ANAPC4: variants seen among roughly 807,000 people sequenced by gnomAD.
ANAPC4 encodes the protein anaphase-promoting complex subunit 4.
In ANAPC4, 63 loss-of-function variants were observed where a neutral mutation model predicts 119.8. That is an observed-to-expected ratio of 0.53 (90% CI 0.43 to 0.65). The LOEUF (loss-of-function observed/expected upper bound fraction) is 0.65, where lower values mean the gene tolerates loss of function less well. Among genes scored for constraint, ANAPC4 ranks in the 30% least tolerant of loss-of-function variants. The probability of loss-of-function intolerance (pLI) is 0.00; values close to 1 mark genes in which losing one functional copy is unlikely to be tolerated. For missense variants in ANAPC4, 716 were observed against 945.1 expected (o/e 0.76, Z 3.18); for synonymous variants, 283 against 318.6 (o/e 0.89, Z 1.19).
At chr4:25,408,247 G>T (rs921940717) in intron 20 of ANAPC4, among the ~76,000 whole-genome samples, 4 of 152,300 alleles carry the variant, frequency 2.6e-5, no homozygotes, top group African/African-American at 9.6e-5. Context: ...TATCTTAAAG[G>T]TTTGTTTCAG....
In ANAPC4 at chr4:25,377,295, G is replaced by T. The variant is rs1254400019; in HGVS notation, c.-60G>T. The T allele has an allele frequency of 4.8e-5, 61 of 1,268,658 alleles. No individual in the cohort carries two copies. Among genetic ancestry groups the T allele is most frequent in the Non-Finnish European group, 6.1e-5 (58 of 943,532 alleles). The allele number at this position is 1,268,658 out of a possible 1,614,324, so 78.6% of individuals were successfully genotyped here. A position where few individuals can be genotyped will look rare whatever the true frequency, so the allele number is the denominator to read the frequency against. On this transcript the variant is annotated 5_prime_UTR_variant, in exon 1 of 29. In the 5' UTR this introduces an upstream ATG that the reference lacks. Coordinates refer to ENST00000315368, the MANE Select transcript of ANAPC4 (RefSeq NM_013367.3). ...CTGTGGCGCGCGGCCGGCAGAGGGA[G>T]GGGAGAGGCCACTGGGGCCGTGTTA...
At chr4:25,416,829 G>A (rs932874590) in intron 27 of ANAPC4, 4 of 316,260 alleles carry the variant, frequency 1.3e-5, no homozygotes, top group African/African-American at 8.5e-5. Flanking sequence ...TGGAATCAAG[G>A]TGGGGAATTA....
At chr4:25,404,539 C>T (rs364071) in intron 17 of ANAPC4, among the ~76,000 whole-genome samples, 5 of 151,924 alleles carry the variant, frequency 3.3e-5, no homozygotes, top group Non-Finnish European at 7.4e-5. Flanking sequence ...TACTACATAT[C>T]CTAACTGTAG....
At chr4:25,410,931 C>G (rs1723523928) in intron 21 of ANAPC4, among the ~76,000 whole-genome samples, 1 of 152,130 alleles carries the variant, frequency 6.6e-6, no homozygotes, top group South Asian at 2.1e-4. Context: ...CTTACAGACC[C>G]AAGCATTTTG....
At chr4:25,388,682 G>C (rs1264736012) in intron 5 of ANAPC4, 35 bp from the exon 6 acceptor site, 3 of 1,582,236 alleles carry the variant, frequency 1.9e-6, no homozygotes, top group African/African-American at 2.7e-5. Context: ...TTTTTACTAA[G>C]AGTATTTTTT....
chr4:25,400,770 A>G (rs575307127), intron 16 of ANAPC4, among the ~76,000 whole-genome samples: 1 of 152,296 alleles, frequency 6.6e-6, no homozygotes, highest in African/African-American at 2.4e-5. Flanking sequence ...AAGTGAGGAC[A>G]TGTAGGGGCT....
In ANAPC4 at chr4:25,417,627, A is replaced by G. The variant is rs1027953561; in HGVS notation, c.2087A>G (p.Gln696Arg). 1.3e-6 allele frequency: 2 copies of G among 1,595,580 alleles called. No homozygotes were observed. The highest frequency in any genetic ancestry group is 2.7e-5 in the African/African-American group (2 of 73,942). Residue 696 changes from glutamine to arginine, a missense_variant, in exon 28 of 29, where the codon CAG becomes CGG. Around this residue, in one of 3 missense-constraint regions of ANAPC4, gnomAD observed 504 missense variants for 615.8 expected, o/e 0.82. Transcript: ENST00000315368. ...TTTTCCCTCTTTAGGCTAGATGAAC[A>G]GTGTAGTGCTATTCCCACCCGTACC... ...TGTYSTRLDE[Q>R]CSAIPTRTMH...
intron 3 of ANAPC4, 52 bp downstream of exon 3, chr4:25,380,531 C>A: frequency 7.7e-7 from 1 of 1,299,770 alleles, no homozygotes; most frequent in Non-Finnish European, 1.1e-6. Flanking sequence ...AAAGAGTATT[C>A]TGTAAAGCCC....
In ANAPC4 at chr4:25,396,722, C is replaced by G. The variant is rs1243396920; in HGVS notation, c.1120C>G (p.Gln374Glu). The change falls in exon 15 of 29, where the codon CAA (glutamine) becomes GAA (glutamate). Residue 374 changes from glutamine (Q) to glutamate (E), a missense_variant. By Grantham distance (29) the Gln-to-Glu change is conservative. This residue lies in a region of ANAPC4 where 504 missense variants were observed against 615.8 expected (regional missense o/e 0.82). Transcript: ENST00000315368. ...ATTGAAAGGAATGGCTTCATGGAAG[C>G]AAAAATATGAACCTCTTGGACTAGA... is the stretch of plus-strand genomic sequence containing the variant. ...SELKGMASWKQKYEPLGLDAA... is the reference protein window; with the variant it reads ...SELKGMASWKEKYEPLGLDAA... 6.2e-7 allele frequency: 1 copy of G among 1,613,366 alleles called. No individual in the cohort carries two copies. The highest frequency in any genetic ancestry group is 2.2e-5 in the East Asian group (1 of 44,832).
chr4:25,414,371 T>C lies in ANAPC4; in HGVS notation c.1671T>C (p.Tyr557=), dbSNP rs2109146189. ...ATCAAGCAATCTGTATTCCATTGTA[T>C]AGAGATACCAGAAGGTAATTCTGTT... ...SMNQAICIPL[Y]RDTRSEDSTR... is the part of the protein sequence containing the mutation. The change falls in exon 23 of 29, where the codon TAT becomes TAC. Residue 557 remains tyrosine (Y), a synonymous_variant. Coordinates refer to ENST00000315368, the MANE Select transcript of ANAPC4 (RefSeq NM_013367.3). 1 of 1,604,658 alleles carries C rather than the reference T, an allele frequency of 6.2e-7. No homozygotes were observed. The highest frequency in any genetic ancestry group is 8.5e-7 in the Non-Finnish European group (1 of 1,173,530).
chr4:25,389,767 T>C lies in ANAPC4; in HGVS notation c.516-369T>C, dbSNP rs1027542880. On this transcript the variant is annotated intron_variant, in intron 7 of 28. Transcript: ENST00000315368. The stretch of plus-strand genomic sequence containing the variant: ...TTTCTAAAATTTTAAGTATTCATGT[T>C]TTTTAAGCCCATTTAATATATTTAG... Among the ~76,000 whole-genome samples, 3 of 152,234 alleles carry C rather than the reference T, an allele frequency of 2.0e-5. 1 individual carries two copies. The highest frequency in any genetic ancestry group is 1.5e-5 in the Non-Finnish European group (1 of 68,042).
chr4:25,413,817 ATCTTAAT>A, intron 22 of ANAPC4, 75 bp downstream of exon 22: 1 of 1,155,294 alleles, frequency 8.7e-7, no homozygotes. Flanking sequence ...TATGTAAATG[ATCTTAAT>A]TTTTAGAATG....
chr4:25,402,174 G>A (rs974521896), intron 16 of ANAPC4, among the ~76,000 whole-genome samples: 1 of 152,102 alleles, frequency 6.6e-6, no homozygotes, highest in Non-Finnish European at 1.5e-5. Flanking sequence ...AGATGTTTCA[G>A]TCTTTTATTC....
chr4:25,382,546 A>G (rs1721798164), intron 3 of ANAPC4, among the ~76,000 whole-genome samples: 1 of 152,220 alleles, frequency 6.6e-6, no homozygotes. Context: ...TGTATTATTC[A>G]TTTTTTAAAA....
At chr4:25,380,014 A>C (rs1001512263) in intron 2 of ANAPC4, among the ~76,000 whole-genome samples, 10 of 152,262 alleles carry the variant, frequency 6.6e-5, no homozygotes, top group Admixed American at 6.5e-4. Flanking sequence ...ACTAGGTGCC[A>C]CGTGGACTAA....
At position 25,406,892 on chromosome 4, in the gene ANAPC4, A is replaced by G; in HGVS notation, c.1374+7A>G. On this transcript the variant is annotated splice_region_variant and intron_variant, in intron 19 of 28. Transcript: ENST00000315368. ...TACTGAACATTTCAATGAGGTAAGA[A>G]GTTGATATTTCTGTAATGCAGTTTA... 2 of 1,589,112 alleles carry G rather than the reference A, an allele frequency of 1.3e-6. No homozygotes were observed. Among genetic ancestry groups the G allele is most frequent in the African/African-American group, 2.7e-5 (2 of 74,272 alleles).
In ANAPC4 at chr4:25,417,647, C is replaced by T. The variant is rs766411258; in HGVS notation, c.2107C>T (p.Arg703Cys). The change falls in exon 28 of 29, where the codon CGT becomes TGT. Residue 703 changes from arginine (R) to cysteine (C), a missense_variant. Arg to Cys is a radical substitution (Grantham distance 180, BLOSUM62 -3). Around this residue, in one of 3 missense-constraint regions of ANAPC4, gnomAD observed 504 missense variants for 615.8 expected, o/e 0.82. Transcript: ENST00000315368. ...TGAACAGTGTAGTGCTATTCCCACC[C>T]GTACCATGCATTTTGAGAAGCACTG... Reference protein sequence around the residue: ...LDEQCSAIPTRTMHFEKHWRL... With the variant: ...LDEQCSAIPTCTMHFEKHWRL... The T allele has an allele frequency of 3.5e-5, 56 of 1,613,190 alleles. No homozygotes were observed. Among genetic ancestry groups the T allele is most frequent in the East Asian group, 4.5e-5 (2 of 44,862 alleles).
chr4:25,407,432 TGAGGACTA>T lies in ANAPC4; in HGVS notation c.1431+180_1431+187del, dbSNP rs1723313835. ...ACACTTTTACATTCTTAAAAATTATTGAGGACTAAAAATACAAAAATTAGCTGGGTGTG... is the reference window on the plus strand; with the variant it reads ...ACACTTTTACATTCTTAAAAATTATTAAAATACAAAAATTAGCTGGGTGTG... On this transcript the variant is annotated intron_variant, in intron 20 of 28. Coordinates refer to ENST00000315368, the MANE Select transcript of ANAPC4 (RefSeq NM_013367.3). 3.3e-5 allele frequency among the ~76,000 whole-genome samples: 5 copies of T among 152,204 alleles called. No individual in the cohort carries two copies. The South Asian group carries it at 1.0e-3, about 32-fold the overall frequency.
At chr4:25,418,098 CT>C (rs1237652306) in intron 28 of ANAPC4, 56 bp from the exon 29 acceptor site, 2 of 1,442,964 alleles carry the variant, frequency 1.4e-6, no homozygotes, top group Non-Finnish European at 1.9e-6. Context: ...ATTTCTAATT[CT>C]TTATATATGA....
Sources: gnomAD v4.1 joint callset for allele counts (sites outside exome capture counted in the v4.1 genomes callset) on GRCh38, gnomAD v4.1.1 for gene constraint, gnomAD v4.1.1 regional missense constraint, MANE v1.5 for transcripts, NCBI Gene and HGNC (gene_info 2026-07-23, HGNC 2026-07-21) for gene names.